The following PCDHGB1 variants were observed in gnomAD, a reference collection of about 807,000 sequenced individuals.
PCDHGB1 encodes protocadherin gamma-B1.
PCDHGB1 carries 34 observed loss-of-function variants against 56.6 expected under a neutral mutation model. That is an observed-to-expected ratio of 0.60 (90% CI 0.46 to 0.80). The LOEUF (loss-of-function observed/expected upper bound fraction) is 0.80. PCDHGB1 is among the 30% of genes least tolerant of loss of function. PCDHGB1 has a pLI of 0.00. For missense variants in PCDHGB1, 1,278 were observed against 1,204.6 expected, an observed-to-expected ratio of 1.06 and a Z score of -0.90; for synonymous variants, 561 against 505.9, an observed-to-expected ratio of 1.11 and a Z score of -1.46.
At chr5:141,373,905 A>G (rs947607007) in intron 1 of PCDHGB1, 1 of 603,766 alleles carries the variant, frequency 1.7e-6, no homozygotes, top group Non-Finnish European at 2.7e-6. Context: ...TACATCCTCC[A>G]ACAACAAAGC....
At chr5:141,410,458 T>A in intron 1 of PCDHGB1, 1 of 1,614,040 alleles carries the variant, frequency 6.2e-7, no homozygotes, top group African/African-American at 1.3e-5. Flanking sequence ...CTTATTCTTA[T>A]AATCTGTGCA....
Position 141,432,701 on chromosome 5 carries a change from G to A in PCDHGB1, c.2410-62106G>A, listed in dbSNP as rs200101512. ...GCAGAGCCTCGTAGTGGCCGTCCAG[G>A]ACCACGGCCAGCCCCCTCTCTCCGC... On this transcript the variant is annotated intron_variant, in intron 1 of 3. Coordinates refer to ENST00000523390, the MANE Select transcript of PCDHGB1 (RefSeq NM_018922.3). This position sits in a 1 kb window ranked among gnomAD's most constrained non-coding sequence, Gnocchi z 6.0. The A allele has an allele frequency of 2.7e-5, 44 of 1,613,842 alleles. No homozygotes were observed. The Admixed American group carries it at 5.3e-4, about 20-fold the overall frequency.
At chr5:141,434,695 AAT>A (rs1228504579) in intron 1 of PCDHGB1, among the ~76,000 whole-genome samples, 7 of 152,212 alleles carry the variant, frequency 4.6e-5, no homozygotes, top group Non-Finnish European at 8.8e-5. Flanking sequence ...GCTGTTAATA[AAT>A]ATGTGGGTAA....
At position 141,491,318 on chromosome 5, in the gene PCDHGB1, A is replaced by C; in HGVS notation, c.2410-3489A>C. The C allele has an allele frequency of 6.2e-7, 1 of 1,613,862 alleles. No individual in the cohort carries two copies. The highest frequency in any genetic ancestry group is 8.5e-7 in the Non-Finnish European group (1 of 1,179,916). On this transcript the variant is annotated intron_variant, in intron 1 of 3. Transcript: ENST00000523390. The surrounding 1 kb of genome is among the most constrained non-coding windows in gnomAD (Gnocchi z 6.9). ...CCTGAGCGTTCAGACCTTACCCTTT[A>C]CCTCATTGTGGCTCTAGCGACCGTC...
At chr5:141,436,778 G>A (rs2097846346) in intron 1 of PCDHGB1, among the ~76,000 whole-genome samples, 1 of 152,154 alleles carries the variant, frequency 6.6e-6, no homozygotes, top group African/African-American at 2.4e-5. Flanking sequence ...ATTTGTGGAT[G>A]GAAATAAAAC....
intron 1 of PCDHGB1, chr5:141,417,676 C>A (rs902104404): frequency 4.0e-6 from 4 of 993,448 alleles, no homozygotes; most frequent in Middle Eastern, 3.3e-4. Flanking sequence ...GCGCAGCCAA[C>A]AACAGAAAAG....
At chr5:141,389,055 A>G in intron 1 of PCDHGB1, 1 of 1,613,996 alleles carries the variant, frequency 6.2e-7, no homozygotes, top group South Asian at 1.1e-5. Context: ...TGTTCCATTT[A>G]AAATATTAAC....
At chr5:141,383,867 A>G in intron 1 of PCDHGB1, 3 of 1,614,006 alleles carry the variant, frequency 1.9e-6, no homozygotes, top group Non-Finnish European at 1.7e-6. Context: ...CAGGCTCAAG[A>G]TGGTCCTGGT....
chr5:141,480,239 A>C (rs1320132415), intron 1 of PCDHGB1, among the ~76,000 whole-genome samples: 4 of 136,218 alleles, frequency 2.9e-5, no homozygotes, highest in African/African-American at 1.1e-4. Context: ...TCCTGTCTCT[A>C]CAAAAAAAAA....
intron 1 of PCDHGB1, chr5:141,366,822 T>C: frequency 6.5e-7 from 1 of 1,538,974 alleles, no homozygotes; most frequent in Non-Finnish European, 8.8e-7. Flanking sequence ...TTCTGTCATA[T>C]TCAGAATCAG....
At chr5:141,389,519 C>T in intron 1 of PCDHGB1, 1 of 1,613,156 alleles carries the variant, frequency 6.2e-7, no homozygotes, top group South Asian at 1.1e-5. Context: ...CGAACGTGAG[C>T]CTGCGCGTGT....
chr5:141,390,728 G>A (rs550991911), intron 1 of PCDHGB1: 12 of 194,328 alleles, frequency 6.2e-5, no homozygotes, highest in Admixed American at 2.2e-4. Context: ...AATTTAACTG[G>A]TATGGTCTCC....
At chr5:141,414,085 G>C (rs1459185694) in intron 1 of PCDHGB1, 1 of 1,600,126 alleles carries the variant, frequency 6.2e-7, no homozygotes, top group Non-Finnish European at 8.5e-7. Context: ...ATATACTGGA[G>C]AAATAAAAAT....
At chr5:141,405,145 G>A (rs772542898) in intron 1 of PCDHGB1, 4 of 1,613,952 alleles carry the variant, frequency 2.5e-6, no homozygotes, top group African/African-American at 2.7e-5. Context: ...CCAGTGATGG[G>A]TTGGCTGGTG....
intron 1 of PCDHGB1, among the ~76,000 whole-genome samples, chr5:141,443,369 C>T (rs1403494558): frequency 6.6e-6 from 1 of 151,848 alleles, no homozygotes; most frequent in African/African-American, 2.4e-5. Context: ...CCTGTGGTCT[C>T]AGCTACTTGG....
chr5:141,482,767 A>AGCTAGTACTATAATTATTTTTATTAGTTC (rs1370824281), intron 1 of PCDHGB1, among the ~76,000 whole-genome samples: 2 of 150,588 alleles, frequency 1.3e-5, no homozygotes, highest in African/African-American at 2.5e-5. Context: ...TTTCATTATC[A>AGCTAGTACTATAATTATTTTTATTAGTTC]CTGAACCTTA....
At position 141,489,244 on chromosome 5, in the gene PCDHGB1, G is replaced by C. The variant is rs145484133; in HGVS notation, c.2410-5563G>C. The C allele has an allele frequency of 3.3e-6, 5 of 1,534,936 alleles. No homozygotes were observed. Among genetic ancestry groups the C allele is most frequent in the African/African-American group, 1.4e-5 (1 of 72,374 alleles). On this transcript the variant is annotated intron_variant, in intron 1 of 3. Transcript: ENST00000523390. This position sits in a 1 kb window ranked among gnomAD's most constrained non-coding sequence, Gnocchi z 4.5. ...TCCACAAAGGGACTTCTGGGTCATGGGGCCCAAGACACTCCCACAGCTCGC... is the reference window on the plus strand; with the variant it reads ...TCCACAAAGGGACTTCTGGGTCATGCGGCCCAAGACACTCCCACAGCTCGC...
chr5:141,484,924 T>C (rs1453592037), intron 1 of PCDHGB1: 7 of 484,872 alleles, frequency 1.4e-5, no homozygotes, highest in Non-Finnish European at 2.2e-5. Context: ...ACCCTGCTGC[T>C]GTTGGGACGT....
chr5:141,371,006 G>T, intron 1 of PCDHGB1: 1 of 1,613,750 alleles, frequency 6.2e-7, no homozygotes, highest in Non-Finnish European at 8.5e-7. Context: ...ACAGGGAAGA[G>T]CAGCCACATC....
Sources: gnomAD v4.1 joint callset for allele counts (sites outside exome capture counted in the v4.1 genomes callset) on GRCh38, gnomAD v4.1.1 for gene constraint, Gnocchi (gnomAD v3.1) non-coding constraint, MANE v1.5 for transcripts, NCBI Gene and HGNC (gene_info 2026-07-23, HGNC 2026-07-21) for gene names.